Variants in TBC1D4 observed in about 807,000 individuals in gnomAD.
TBC1D4 encodes TBC1 domain family member 4.
In TBC1D4, 121 loss-of-function variants were observed where a neutral mutation model predicts 142.5. The observed-to-expected ratio is 0.85, with a 90% CI of 0.73 to 0.99. The LOEUF is 0.99. Among genes scored for constraint, TBC1D4 ranks in the 50% least tolerant of loss-of-function variants. The pLI, the probability that TBC1D4 is intolerant of heterozygous loss-of-function variation, is 0.00. For missense variants in TBC1D4, 1,475 were observed against 1,606.6 expected (o/e 0.92, Z 1.40); for synonymous variants, 630 against 628.2 (o/e 1.00, Z -0.04).
intron 1 of TBC1D4, among the ~76,000 whole-genome samples, chr13:75,464,410 C>A (rs1387780287): frequency 1.3e-5 from 2 of 152,208 alleles, no homozygotes; most frequent in Non-Finnish European, 2.9e-5. Context: ...AGGACATGCT[C>A]CTGCTGCAGA....
At chr13:75,405,370 A>G (rs1885290506) in intron 1 of TBC1D4, among the ~76,000 whole-genome samples, 1 of 150,944 alleles carries the variant, frequency 6.6e-6, no homozygotes, top group East Asian at 2.0e-4. Flanking sequence ...CCCGGGTTCA[A>G]GCAATTCTCC....
rs1403070914 is a variant in TBC1D4, at chr13:75,326,348, C to T, written c.1882G>A (p.Glu628Lys). 8.1e-6 allele frequency: 13 copies of T among 1,614,050 alleles called. No individual in the cohort carries two copies. Among genetic ancestry groups the T allele is most frequent in the East Asian group, 2.2e-5 (1 of 44,856 alleles). Residue 628 changes from glutamate (E) to lysine (K), a missense_variant, in exon 10 of 21, where the codon GAA (glutamate) becomes AAA (lysine). Around this residue, in one of 2 missense-constraint regions of TBC1D4, gnomAD observed 1,227 missense variants for 1,267.7 expected, o/e 0.97. Transcript: ENST00000377636. Reference sequence around the variant, plus strand: ...AACTGCGGGGAGTCGGAATCCTCTTCGGGAAACGTTTGCCAAGCTGAGGAC... The same window carrying T: ...AACTGCGGGGAGTCGGAATCCTCTTTGGGAAACGTTTGCCAAGCTGAGGAC... ...PPSSAWQTFP[E>K]EDSDSPQFRR...
intron 1 of TBC1D4, among the ~76,000 whole-genome samples, chr13:75,391,066 ACACACAC>A (rs1566453058): frequency 1.5e-5 from 2 of 130,014 alleles, no homozygotes; most frequent in Admixed American, 8.2e-5. Flanking sequence ...ACACACACAC[ACACACAC>A]AAACAACTTG....
chr13:75,328,945 C>T (rs1879509236), intron 8 of TBC1D4, among the ~76,000 whole-genome samples: 1 of 152,052 alleles, frequency 6.6e-6, no homozygotes. Context: ...CTCTGAATCC[C>T]ACTCCCCAAA....
intron 8 of TBC1D4, among the ~76,000 whole-genome samples, chr13:75,329,999 T>C (rs1033161390): frequency 1.3e-5 from 2 of 152,230 alleles, no homozygotes; most frequent in African/African-American, 2.4e-5. Flanking sequence ...TGTTGTGCAC[T>C]TTCTGAGTTC....
chr13:75,363,547 G>A (rs1374503785), intron 1 of TBC1D4, among the ~76,000 whole-genome samples: 1 of 152,164 alleles, frequency 6.6e-6, no homozygotes, highest in Non-Finnish European at 1.5e-5. Flanking sequence ...TCCCTGCTTT[G>A]AGTCTTCCTG....
chr13:75,293,243 A>G (rs1875531029), intron 18 of TBC1D4, among the ~76,000 whole-genome samples: 1 of 152,250 alleles, frequency 6.6e-6, no homozygotes, highest in South Asian at 2.1e-4. Flanking sequence ...TCTTTAATCA[A>G]TAATATACAA....
chr13:75,469,233 G>A (rs1489569040), intron 1 of TBC1D4, among the ~76,000 whole-genome samples: 1 of 152,150 alleles, frequency 6.6e-6, no homozygotes, highest in Non-Finnish European at 1.5e-5. Flanking sequence ...AAGACACCCG[G>A]AGATGAACGG....
intron 1 of TBC1D4, among the ~76,000 whole-genome samples, chr13:75,397,676 T>G (rs749343944): frequency 2.0e-5 from 3 of 152,218 alleles, no homozygotes; most frequent in Non-Finnish European, 4.4e-5. Flanking sequence ...GTTTTGGAGT[T>G]GGCTTCTCTG....
At chr13:75,408,101 C>T (rs575920483) in intron 1 of TBC1D4, among the ~76,000 whole-genome samples, 2 of 152,276 alleles carry the variant, frequency 1.3e-5, no homozygotes, top group East Asian at 1.9e-4. Context: ...CGTCACCAAT[C>T]GCACCTCCAT....
In TBC1D4 at chr13:75,288,921, T is replaced by G; in HGVS notation, c.3663+13A>C. On this transcript the variant is annotated intron_variant, in intron 20 of 20. Coordinates refer to ENST00000377636, the MANE Select transcript of TBC1D4 (RefSeq NM_014832.5). ...ATTGAAGTACTTATTTGCTCAAATC[T>G]TTATTTCTTTACCTGTAATTTTTCT... 6.2e-7 allele frequency: 1 copy of G among 1,613,454 alleles called. No homozygotes were observed. Among genetic ancestry groups the G allele is most frequent in the Non-Finnish European group, 8.5e-7 (1 of 1,179,648 alleles).
At chr13:75,465,944 G>C (rs965425189) in intron 1 of TBC1D4, among the ~76,000 whole-genome samples, 3 of 152,094 alleles carry the variant, frequency 2.0e-5, no homozygotes, top group African/African-American at 7.2e-5. Flanking sequence ...TGACCTGGAA[G>C]CCCCCACTTC....
intron 18 of TBC1D4, among the ~76,000 whole-genome samples, chr13:75,293,953 A>G (rs1011403702): frequency 1.3e-5 from 2 of 152,230 alleles, no homozygotes; most frequent in African/African-American, 4.8e-5. Context: ...CTCCAATTTA[A>G]CAGAAGTGCA....
At chr13:75,430,752 T>C (rs1014124018) in intron 1 of TBC1D4, among the ~76,000 whole-genome samples, 15 of 152,020 alleles carry the variant, frequency 9.9e-5, no homozygotes, top group African/African-American at 3.6e-4. Flanking sequence ...GTTGCTCCCT[T>C]AAGGCTTTAT....
chr13:75,407,377 G>A (rs557581896), intron 1 of TBC1D4, among the ~76,000 whole-genome samples: 177 of 152,184 alleles, frequency 1.2e-3, no homozygotes, highest in African/African-American at 4.0e-3. Context: ...TCAAACAGCC[G>A]GAAAGATTAC....
At chr13:75,334,122 A>G (rs1879999420) in intron 8 of TBC1D4, among the ~76,000 whole-genome samples, 1 of 152,198 alleles carries the variant, frequency 6.6e-6, no homozygotes, top group African/African-American at 2.4e-5. Flanking sequence ...CTTATTTATG[A>G]TAAAACTTTC....
intron 8 of TBC1D4, among the ~76,000 whole-genome samples, chr13:75,328,937 C>T: frequency 6.6e-6 from 1 of 152,116 alleles, no homozygotes; most frequent in East Asian, 1.9e-4. Context: ...CTCTTGCACT[C>T]TGAATCCCAC....
chr13:75,349,064 C>G (rs779180532), intron 5 of TBC1D4, 106 bp downstream of exon 5: 2 of 1,524,074 alleles, frequency 1.3e-6, no homozygotes, highest in Admixed American at 3.4e-5. Flanking sequence ...TCTTTGGGTT[C>G]TTGTTTCACA....
intron 19 of TBC1D4, among the ~76,000 whole-genome samples, chr13:75,291,585 C>A (rs1373326881): frequency 7.2e-5 from 11 of 152,136 alleles, no homozygotes; most frequent in Non-Finnish European, 1.5e-4. Context: ...CTTCATAAAA[C>A]CTCTCAGATC....
Sources: allele counts gnomAD v4.1 joint callset (sites outside exome capture counted in the v4.1 genomes callset), GRCh38; gene constraint gnomAD v4.1.1; regional missense constraint gnomAD v4.1.1; transcripts MANE v1.5; gene names NCBI Gene and HGNC (gene_info 2026-07-23, HGNC 2026-07-21).